Variants in DNM1L observed in about 807,000 individuals in gnomAD.
The protein encoded by DNM1L is dynamin 1L, also known as dynamin-1-like protein.
A neutral mutation model predicts 92.8 loss-of-function variants in DNM1L; 33 were observed. The observed-to-expected ratio is 0.36, with a 90% CI of 0.27 to 0.48. The LOEUF (loss-of-function observed/expected upper bound fraction) is 0.48, where lower values mean the gene tolerates loss of function less well. Ranked by LOEUF, DNM1L falls within the 20% of genes least tolerant of loss-of-function variation. The probability of loss-of-function intolerance (pLI) is 0.99; values close to 1 mark genes in which losing one functional copy is unlikely to be tolerated. For missense variants in DNM1L, 485 were observed against 888.8 expected, an observed-to-expected ratio of 0.55 and a Z score of 5.78; for synonymous variants, 284 against 305.0, an observed-to-expected ratio of 0.93 and a Z score of 0.72.
At chr12:32,692,301 A>G (rs751402938) in intron 1 of DNM1L, among the ~76,000 whole-genome samples, 2 of 152,184 alleles carry the variant, frequency 1.3e-5, no homozygotes, top group Non-Finnish European at 2.9e-5. Context: ...CAACATGTTA[A>G]AAGTTTTAGT....
chr12:32,711,829 G>T (rs1232082787), intron 5 of DNM1L, among the ~76,000 whole-genome samples: 3 of 152,130 alleles, frequency 2.0e-5, no homozygotes. Context: ...GCTACGGTGA[G>T]CTATGATTGC....
intron 1 of DNM1L, among the ~76,000 whole-genome samples, chr12:32,699,955 G>A (rs983265493): frequency 6.6e-6 from 1 of 151,626 alleles, no homozygotes; most frequent in Non-Finnish European, 1.5e-5. Flanking sequence ...CATTAATAAC[G>A]GCAATTTAAC....
Position 32,733,811 on chromosome 12 carries a change from A to C in DNM1L, c.1539+4A>C. ...GCTAATGAACAATAATATAGAGGTAAATATAATTCTTAAATGCTTTTTCAC... is the reference window on the plus strand; with the variant it reads ...GCTAATGAACAATAATATAGAGGTACATATAATTCTTAAATGCTTTTTCAC... On this transcript the variant is annotated splice_donor_region_variant and intron_variant, in intron 13 of 19. Coordinates refer to ENST00000549701, the MANE Select transcript of DNM1L (RefSeq NM_012062.5). 1 of 1,612,012 alleles carries C rather than the reference A, an allele frequency of 6.2e-7. No individual in the cohort carries two copies. The highest frequency in any genetic ancestry group is 8.5e-7 in the Non-Finnish European group (1 of 1,178,276).
At chr12:32,713,491 A>G in intron 6 of DNM1L, 120 bp downstream of exon 6, 1 of 1,105,258 alleles carries the variant, frequency 9.0e-7, no homozygotes, top group South Asian at 1.4e-5. Flanking sequence ...TTAAAAGATA[A>G]TGCTTTCCTA....
intron 1 of DNM1L, among the ~76,000 whole-genome samples, chr12:32,682,303 T>C (rs1424622255): frequency 1.3e-5 from 2 of 152,134 alleles, no homozygotes; most frequent in African/African-American, 2.4e-5. Flanking sequence ...CGGCTAATTT[T>C]GTATTTTTAG....
At position 32,744,706 on chromosome 12, in the gene DNM1L, T is replaced by G; in HGVS notation, c.*1296T>G. 2.8e-6 allele frequency: 1 copy of G among 352,602 alleles called. No individual in the cohort carries two copies. The highest frequency in any genetic ancestry group is 2.2e-5 in the South Asian group (1 of 44,524). The allele number at this position is 352,602 out of a possible 1,614,324, so 21.8% of individuals were successfully genotyped here. A position where few individuals can be genotyped will look rare whatever the true frequency, so the allele number is the denominator to read the frequency against. Reference sequence around the variant, plus strand: ...CCAGCCTTGGCAACAAGAGCGAAACTCCGTCTCAAAAAAAAAAAATAAAAC... The same window carrying G: ...CCAGCCTTGGCAACAAGAGCGAAACGCCGTCTCAAAAAAAAAAAATAAAAC... On this transcript the variant is annotated 3_prime_UTR_variant, in exon 20 of 20. Transcript: ENST00000549701.
chr12:32,723,451 C>T (rs1953898016), intron 9 of DNM1L, among the ~76,000 whole-genome samples: 1 of 152,076 alleles, frequency 6.6e-6, no homozygotes, highest in African/African-American at 2.4e-5. Flanking sequence ...AATCCCAGCA[C>T]TTTGGGAGGC....
At chr12:32,725,469 T>C (rs1954070305) in intron 9 of DNM1L, 1 of 152,220 alleles carries the variant, frequency 6.6e-6, no homozygotes, top group African/African-American at 2.4e-5. Context: ...CTCACTGTGG[T>C]ACCAGTAACT....
At chr12:32,715,072 T>C (rs191067265) in intron 6 of DNM1L, among the ~76,000 whole-genome samples, 3 of 151,952 alleles carry the variant, frequency 2.0e-5, no homozygotes, top group Admixed American at 1.3e-4. Flanking sequence ...GCCATAGATA[T>C]TGTCATATTT....
chr12:32,706,021 A>G, intron 2 of DNM1L: 1 of 578,474 alleles, frequency 1.7e-6, no homozygotes, highest in Non-Finnish European at 2.8e-6. Context: ...TTTTTTTGGC[A>G]TTGCATCAAA....
At chr12:32,711,056 A>C (rs1196860801) in intron 5 of DNM1L, 41 bp downstream of exon 5, 1 of 1,520,916 alleles carries the variant, frequency 6.6e-7, no homozygotes, top group Non-Finnish European at 9.1e-7. Context: ...GGTTGTTTTC[A>C]CTTCGTTGAC....
At chr12:32,710,500 G>A (rs949682383) in intron 4 of DNM1L, among the ~76,000 whole-genome samples, 28 of 151,892 alleles carry the variant, frequency 1.8e-4, no homozygotes, top group Non-Finnish European at 1.3e-4. Flanking sequence ...ACACCTTGTA[G>A]TCCCAGCTAC....
At chr12:32,688,417 C>T (rs901894322) in intron 1 of DNM1L, among the ~76,000 whole-genome samples, 1 of 152,102 alleles carries the variant, frequency 6.6e-6, no homozygotes, top group African/African-American at 2.4e-5. Flanking sequence ...GGTTTCTTTT[C>T]TCTTTTCTTT....
chr12:32,711,509 T>G (rs1953122453), intron 5 of DNM1L, among the ~76,000 whole-genome samples: 1 of 152,138 alleles, frequency 6.6e-6, no homozygotes, highest in Admixed American at 6.5e-5. Flanking sequence ...GATTTGGTAT[T>G]TCTATAGTCT....
At chr12:32,742,820 T>G in intron 19 of DNM1L, 72 bp downstream of exon 19, 2 of 1,576,554 alleles carry the variant, frequency 1.3e-6, no homozygotes, top group South Asian at 2.2e-5. Context: ...AAATGCAGTT[T>G]GATTCTTGGA....
intron 9 of DNM1L, chr12:32,726,312 G>T: frequency 7.9e-7 from 1 of 1,273,054 alleles, no homozygotes; most frequent in Non-Finnish European, 1.1e-6. Context: ...AAAACATAAG[G>T]CAGTAAGTAA....
intron 1 of DNM1L, chr12:32,692,646 G>GTT (rs57445054): frequency 9.2e-5 from 14 of 152,274 alleles, no homozygotes; most frequent in African/African-American, 3.4e-4. Context: ...CCAATGTATA[G>GTT]TTTTTTGTGG....
chr12:32,744,074 G>C lies in DNM1L; in HGVS notation c.*664G>C, dbSNP rs1370603744. 1 of 152,302 alleles carries C rather than the reference G, an allele frequency of 6.6e-6. No individual in the cohort carries two copies. The highest frequency in any genetic ancestry group is 1.9e-4 in the East Asian group (1 of 5,206). 9.4% of individuals were successfully genotyped at this position (152,302 alleles called of 1,614,324 possible). A position where few individuals can be genotyped will look rare whatever the true frequency, so the allele number is the denominator to read the frequency against. On this transcript the variant is annotated 3_prime_UTR_variant, in exon 20 of 20. Coordinates refer to ENST00000549701, the MANE Select transcript of DNM1L (RefSeq NM_012062.5). Reference sequence around the variant, plus strand: ...GCACTAGCAAATTAAAATATGCTTTGATTCATACTTAAACCTGAAAGCAGG... The same window carrying C: ...GCACTAGCAAATTAAAATATGCTTTCATTCATACTTAAACCTGAAAGCAGG...
intron 1 of DNM1L, among the ~76,000 whole-genome samples, chr12:32,695,111 G>A (rs1268095670): frequency 6.6e-6 from 1 of 152,128 alleles, no homozygotes; most frequent in Admixed American, 6.5e-5. Context: ...CCAGATAAAA[G>A]CAGGGGAGGT....
Sources: gnomAD v4.1 joint callset for allele counts (sites outside exome capture counted in the v4.1 genomes callset) on GRCh38, gnomAD v4.1.1 for gene constraint, MANE v1.5 for transcripts, NCBI Gene and HGNC (gene_info 2026-07-23, HGNC 2026-07-21) for gene names.